ABTB3: variants seen among roughly 807,000 people sequenced by gnomAD.
The protein encoded by ABTB3 is ankyrin repeat- and BTB/POZ domain-containing protein 3.
chr12:107,628,152 G>A, the ABTB3 span, among the ~76,000 whole-genome samples: 1 of 152,074 alleles, frequency 6.6e-6, no homozygotes, highest in East Asian at 1.9e-4. Flanking sequence ...TGGGGGGTGG[G>A]GGAGGGAGAT....
chr12:107,348,942 A>G, the ABTB3 span, among the ~76,000 whole-genome samples: 1 of 152,192 alleles, frequency 6.6e-6, no homozygotes, highest in African/African-American at 2.4e-5. Flanking sequence ...GGCAAAGGGA[A>G]CAGCTTGTGA....
the ABTB3 span, chr12:107,640,200 T>G: frequency 1.7e-6 from 1 of 603,426 alleles, no homozygotes; most frequent in African/African-American, 1.9e-5. Flanking sequence ...CCAAAGAGTA[T>G]TTTATCACCA....
chr12:107,597,821 G>T, the ABTB3 span, among the ~76,000 whole-genome samples: 2 of 152,308 alleles, frequency 1.3e-5, no homozygotes, highest in African/African-American at 4.8e-5. Flanking sequence ...CTTTCATCTT[G>T]TTGCTTTGCA....
the ABTB3 span, among the ~76,000 whole-genome samples, chr12:107,503,989 C>A: frequency 6.6e-6 from 1 of 152,122 alleles, no homozygotes; most frequent in African/African-American, 2.4e-5. Context: ...CCAGAAGCAT[C>A]CTTATCTTTC....
chr12:107,477,577 T>A, the ABTB3 span, among the ~76,000 whole-genome samples: 168 of 152,282 alleles, frequency 1.1e-3, no homozygotes, highest in African/African-American at 3.9e-3. Context: ...GGACCTGGAA[T>A]TTTTCAAAAA....
chr12:107,319,841 T>G, the ABTB3 span: 3 of 1,226,424 alleles, frequency 2.4e-6, no homozygotes, highest in Non-Finnish European at 3.1e-6. Context: ...CGGCGGCGCC[T>G]GCAGCGCAGC....
the ABTB3 span, among the ~76,000 whole-genome samples, chr12:107,549,331 A>C: frequency 6.6e-6 from 1 of 152,238 alleles, no homozygotes; most frequent in Non-Finnish European, 1.5e-5. Flanking sequence ...ACCCCAACAC[A>C]TTACATCTTA....
the ABTB3 span, among the ~76,000 whole-genome samples, chr12:107,563,078 C>G: frequency 6.6e-6 from 1 of 152,174 alleles, no homozygotes; most frequent in Non-Finnish European, 1.5e-5. Context: ...GGGTCCTGGG[C>G]CCGACTCTTA....
chr12:107,532,216 T>C, the ABTB3 span, among the ~76,000 whole-genome samples: 1 of 152,236 alleles, frequency 6.6e-6, no homozygotes, highest in Admixed American at 6.5e-5. Context: ...ATGTGTGCCA[T>C]GCAGGGGCCC....
At chr12:107,399,480 C>T in the ABTB3 span, among the ~76,000 whole-genome samples, 1 of 152,072 alleles carries the variant, frequency 6.6e-6, no homozygotes, top group Non-Finnish European at 1.5e-5. Flanking sequence ...GTGGAGAACA[C>T]TTGGTAACAG....
At chr12:107,325,210 G>A in the ABTB3 span, among the ~76,000 whole-genome samples, 3,285 of 152,264 alleles carry the variant, frequency 0.022, 62 homozygotes, top group Middle Eastern at 0.041. Context: ...CTGTCAGCAC[G>A]GGCTTGGAGG....
the ABTB3 span, among the ~76,000 whole-genome samples, chr12:107,489,325 A>G: frequency 2.0e-5 from 3 of 152,158 alleles, no homozygotes; most frequent in Non-Finnish European, 2.9e-5. Context: ...GTTTGAAACC[A>G]GCCTGACCAA....
At chr12:107,655,256 A>AATATATAT in the ABTB3 span, among the ~76,000 whole-genome samples, 1,052 of 148,816 alleles carry the variant, frequency 7.1e-3, 15 homozygotes, top group African/African-American at 0.021. Context: ...GCCTCTTTCA[A>AATATATAT]ATATATATAT....
the ABTB3 span, among the ~76,000 whole-genome samples, chr12:107,574,495 G>A: frequency 6.6e-6 from 1 of 152,204 alleles, no homozygotes; most frequent in Non-Finnish European, 1.5e-5. Context: ...GGCCAAGGCA[G>A]GTGGATGACC....
At chr12:107,571,385 G>A in the ABTB3 span, among the ~76,000 whole-genome samples, 1 of 152,246 alleles carries the variant, frequency 6.6e-6, no homozygotes, top group Non-Finnish European at 1.5e-5. Context: ...CAGATGTGAA[G>A]GTGTAGTGGG....
At chr12:107,599,200 G>T in the ABTB3 span, among the ~76,000 whole-genome samples, 3 of 152,136 alleles carry the variant, frequency 2.0e-5, no homozygotes, top group Non-Finnish European at 4.4e-5. Context: ...TAGCCTATAT[G>T]AGTATTACAC....
the ABTB3 span, among the ~76,000 whole-genome samples, chr12:107,396,459 C>T: frequency 5.3e-5 from 8 of 152,122 alleles, no homozygotes; most frequent in Non-Finnish European, 5.9e-5. Context: ...CTGAATGAGG[C>T]AATGCATTAA....
the ABTB3 span, among the ~76,000 whole-genome samples, chr12:107,641,523 T>C: frequency 3.3e-4 from 50 of 152,368 alleles, 2 homozygotes; most frequent in South Asian, 0.01. Context: ...CACAAAGAGC[T>C]TTTAGTTTAG....
chr12:107,617,768 T>C, the ABTB3 span: 1 of 365,606 alleles, frequency 2.7e-6, no homozygotes, highest in East Asian at 4.9e-5. Flanking sequence ...ATAAAACCTT[T>C]CATATTTGGT....
Sources: allele counts gnomAD v4.1 joint callset (sites outside exome capture counted in the v4.1 genomes callset), GRCh38; gene constraint gnomAD v4.1.1; transcripts MANE v1.5; gene names NCBI Gene and HGNC (gene_info 2026-07-23, HGNC 2026-07-21).